The following OPA1 variants were observed in gnomAD, a reference collection of about 807,000 sequenced individuals.
The protein encoded by OPA1 is dynamin-like GTPase OPA1, mitochondrial.
In OPA1, 59 loss-of-function variants were observed where a neutral mutation model predicts 152.9. The ratio of observed to expected loss-of-function variants is 0.39; its 90% confidence interval spans 0.31 to 0.48. OPA1 has a LOEUF of 0.48. Ranked by LOEUF, OPA1 falls within the 20% of genes least tolerant of loss-of-function variation. The pLI is 0.96. For synonymous variants in OPA1, 400 were observed against 389.9 expected (o/e 1.03, Z -0.31); for missense variants, 1,008 against 1,216.8 (o/e 0.83, Z 2.55).
chr3:193,644,467 T>C (rs991819660), intron 16 of OPA1, among the ~76,000 whole-genome samples: 3 of 152,208 alleles, frequency 2.0e-5, no homozygotes, highest in African/African-American at 4.8e-5. Context: ...AAGCATATGT[T>C]ATAATTAAAC....
chr3:193,675,748 G>A (rs972703455), intron 29 of OPA1, among the ~76,000 whole-genome samples: 8 of 152,140 alleles, frequency 5.3e-5, no homozygotes, highest in African/African-American at 4.8e-5. Context: ...TATCACGGTC[G>A]ATCCCTTCTG....
At chr3:193,671,752 G>C (rs1432939583) in intron 29 of OPA1, among the ~76,000 whole-genome samples, 1 of 152,138 alleles carries the variant, frequency 6.6e-6, no homozygotes, top group Non-Finnish European at 1.5e-5. Flanking sequence ...AATTGTTTAT[G>C]CATAAAAGGT....
intron 1 of OPA1, among the ~76,000 whole-genome samples, chr3:193,605,952 A>C (rs1214516896): frequency 3.9e-5 from 6 of 152,146 alleles, no homozygotes; most frequent in African/African-American, 1.4e-4. Flanking sequence ...GACTATACAC[A>C]ACTCCCTATT....
chr3:193,618,432 C>T (rs1431569412), intron 5 of OPA1, among the ~76,000 whole-genome samples: 1 of 151,580 alleles, frequency 6.6e-6, no homozygotes, highest in African/African-American at 2.4e-5. Context: ...GAGCCAAGAT[C>T]GCGCCACTGC....
At chr3:193,634,808 G>T (rs1358635967) in intron 8 of OPA1, among the ~76,000 whole-genome samples, 4 of 152,136 alleles carry the variant, frequency 2.6e-5, no homozygotes, top group Admixed American at 2.0e-4. Context: ...TCAAAACCCT[G>T]CTCCTCTACT....
chr3:193,658,261 A>G (rs1001648494), intron 23 of OPA1, among the ~76,000 whole-genome samples: 50 of 94,676 alleles, frequency 5.3e-4, no homozygotes, highest in South Asian at 4.1e-4. Flanking sequence ...AAAAAAAAAA[A>G]AAAGAAAGAA....
intron 11 of OPA1, among the ~76,000 whole-genome samples, chr3:193,638,340 T>C (rs1266558112): frequency 1.3e-5 from 2 of 152,102 alleles, no homozygotes; most frequent in Non-Finnish European, 2.9e-5. Context: ...GTTAAGAGAA[T>C]GAGAATATTG....
At chr3:193,615,357 G>A (rs546518515) in intron 2 of OPA1, among the ~76,000 whole-genome samples, 2 of 152,302 alleles carry the variant, frequency 1.3e-5, no homozygotes, top group African/African-American at 4.8e-5. Context: ...GCACTTCTTG[G>A]CAGGTCTGGG....
At chr3:193,596,087 G>C (rs1046585343) in intron 1 of OPA1, among the ~76,000 whole-genome samples, 3 of 151,646 alleles carry the variant, frequency 2.0e-5, no homozygotes, top group African/African-American at 7.3e-5. Flanking sequence ...AATCCCAGTA[G>C]ATCCTTTTGT....
rs1325506348 is a variant in OPA1 at position 193,642,904 on chromosome 3, A to G, written c.1230+59A>G. On this transcript the variant is annotated intron_variant, in intron 12 of 30. Coordinates refer to ENST00000361510, the MANE Select transcript of OPA1 (RefSeq NM_130837.3). ...ATTTTATAACCTGGATGAGCTTATAAAAGACAGTTAAAGAATATTTGTGAA... is the reference window on the plus strand; with the variant it reads ...ATTTTATAACCTGGATGAGCTTATAGAAGACAGTTAAAGAATATTTGTGAA... 3 of 1,563,926 alleles carry G rather than the reference A, an allele frequency of 1.9e-6. No individual in the cohort carries two copies. In the African/African-American group the frequency reaches 4.1e-5, roughly 21 times the overall value.
At position 193,648,869 on chromosome 3, in the gene OPA1, T is replaced by C. The variant is rs1160567846; in HGVS notation, c.2010T>C (p.His670=). 6.3e-7 allele frequency: 1 copy of C among 1,583,052 alleles called. No homozygotes were observed. The highest frequency in any genetic ancestry group is 1.7e-5 in the Admixed American group (1 of 59,966). Residue 670 remains histidine (H), a splice_region_variant and synonymous_variant, in exon 21 of 31, where the codon CAT becomes CAC. Coordinates refer to ENST00000361510, the MANE Select transcript of OPA1 (RefSeq NM_130837.3). ...GTCTGAGCCAGGTTACACCAAAACA[T>C]TGGTAAGTATTTGATATTAATCTCT... The part of the protein sequence containing the change: ...VISLSQVTPK[H]WEEILQQSLW...
intron 21 of OPA1, among the ~76,000 whole-genome samples, chr3:193,654,625 C>A (rs887050497): frequency 2.0e-5 from 3 of 152,050 alleles, no homozygotes; most frequent in African/African-American, 7.2e-5. Context: ...ATATAAATTT[C>A]TAGAAAATAC....
At chr3:193,644,415 G>A (rs564026020) in intron 16 of OPA1, among the ~76,000 whole-genome samples, 2 of 151,952 alleles carry the variant, frequency 1.3e-5, no homozygotes, top group Non-Finnish European at 2.9e-5. Context: ...TAGTCATTTC[G>A]GCACCCTCAT....
intron 11 of OPA1, among the ~76,000 whole-genome samples, chr3:193,639,582 C>T (rs758607115): frequency 6.6e-6 from 1 of 152,028 alleles, no homozygotes; most frequent in African/African-American, 2.4e-5. Context: ...TAGCCATGGT[C>T]GGGGCAAATG....
intron 16 of OPA1, 32 bp from the exon 17 acceptor site, chr3:193,645,521 C>G: frequency 6.5e-7 from 1 of 1,533,388 alleles, no homozygotes; most frequent in African/African-American, 1.4e-5. Context: ...TAAACTATAT[C>G]TCACATTAAT....
At chr3:193,688,570 C>T (rs1484459029) in intron 29 of OPA1, among the ~76,000 whole-genome samples, 7 of 139,762 alleles carry the variant, frequency 5.0e-5, no homozygotes, top group East Asian at 4.4e-4. Flanking sequence ...CTCCGCCTCC[C>T]GATTCTCCCT....
chr3:193,648,151 C>T lies in OPA1; in HGVS notation c.1935+17C>T, dbSNP rs769085336. ...CTTGACCGGGTAATATTTGGATACT[C>T]GTGTATTTTGTATATATCTTAATTT... On this transcript the variant is annotated intron_variant, in intron 20 of 30. Coordinates refer to ENST00000361510, the MANE Select transcript of OPA1 (RefSeq NM_130837.3). 17 of 1,565,764 alleles carry T rather than the reference C, an allele frequency of 1.1e-5. No individual in the cohort carries two copies. The highest frequency in any genetic ancestry group is 2.2e-5 in the East Asian group (1 of 44,594).
At chr3:193,658,193 C>T (rs1360788396) in intron 23 of OPA1, among the ~76,000 whole-genome samples, 3 of 148,318 alleles carry the variant, frequency 2.0e-5, no homozygotes, top group Admixed American at 6.8e-5. Context: ...TGCGGTTAGC[C>T]GAGATCGTGC....
chr3:193,658,210 AC>A (rs1180432980), intron 23 of OPA1, among the ~76,000 whole-genome samples: 1 of 149,898 alleles, frequency 6.7e-6, no homozygotes, highest in African/African-American at 2.5e-5. Context: ...GTGCCATTGC[AC>A]TCCAGCCAAG....
Sources: allele counts gnomAD v4.1 joint callset (sites outside exome capture counted in the v4.1 genomes callset), GRCh38; gene constraint gnomAD v4.1.1; transcripts MANE v1.5; gene names NCBI Gene and HGNC (gene_info 2026-07-23, HGNC 2026-07-21).